The following RAD51B variants were observed in gnomAD, a reference collection of about 807,000 sequenced individuals.
RAD51B encodes RAD51 paralog B, also known as DNA repair protein RAD51 homolog 2.
Under a neutral mutation model 42.2 loss-of-function variants are expected in RAD51B, and 38 were observed. The observed-to-expected ratio is 0.90, with a 90% confidence interval of 0.70 to 1.18. RAD51B has a LOEUF of 1.18. RAD51B is among the 50% of genes most tolerant of loss of function. The pLI is 0.00. For synonymous variants in RAD51B, 154 were observed against 145.2 expected (o/e 1.06, Z -0.43); for missense variants, 373 against 400.7 (o/e 0.93, Z 0.59).
chr14:68,612,343 G>T (rs1482372742), downstream of RAD51B, among the ~76,000 whole-genome samples: 1 of 152,208 alleles, frequency 6.6e-6, no homozygotes, highest in East Asian at 1.9e-4. Flanking sequence ...AGAATTTCCA[G>T]CTGTCGACAG....
chr14:67,876,801 G>T (rs2042743094), intron 5 of RAD51B, among the ~76,000 whole-genome samples: 1 of 152,106 alleles, frequency 6.6e-6, no homozygotes, highest in African/African-American at 2.4e-5. Context: ...ATATGGAAGG[G>T]GAAGTTGGGA....
intron 10 of RAD51B, among the ~76,000 whole-genome samples, chr14:68,606,503 T>C (rs1246936824): frequency 6.6e-6 from 1 of 152,220 alleles, no homozygotes; most frequent in Non-Finnish European, 1.5e-5. Context: ...AAAGATTTCA[T>C]TATGTTGACT....
chr14:67,970,688 A>G (rs2074879774), intron 7 of RAD51B, among the ~76,000 whole-genome samples: 1 of 151,966 alleles, frequency 6.6e-6, no homozygotes, highest in Non-Finnish European at 1.5e-5. Flanking sequence ...CCTTCTTGTG[A>G]TTGGTTGCTG....
In RAD51B at chr14:68,272,637, A is replaced by ATATATATATATT. The variant is rs1439072771; in HGVS notation, c.757-19236_757-19235insTTATATATATAT. Reference sequence around the variant, plus strand: ...ATGGTATTTTGTTTATAAACACTTTATATATATATATATATATATATATAT... The same window carrying ATATATATATATT: ...ATGGTATTTTGTTTATAAACACTTTATATATATATATTTATATATATATATATATATATATAT... On this transcript the variant is annotated intron_variant, in intron 7 of 10. Coordinates refer to ENST00000471583, the MANE Select transcript of RAD51B (RefSeq NM_133510.4). Among the ~76,000 whole-genome samples, 15 of 8,388 alleles carry ATATATATATATT rather than the reference A, an allele frequency of 1.8e-3. 1 individual carries two copies. The highest frequency in any genetic ancestry group is 4.1e-3 in the African/African-American group (9 of 2,216). The allele number at this position is 8,388 out of a possible 152,430, so 5.5% of individuals were successfully genotyped here.
At chr14:68,135,533 C>T (rs1171850581) in intron 7 of RAD51B, among the ~76,000 whole-genome samples, 1 of 152,086 alleles carries the variant, frequency 6.6e-6, no homozygotes, top group Non-Finnish European at 1.5e-5. Flanking sequence ...ATAGGTTCTG[C>T]CCTCATGGAG....
At chr14:68,354,948 C>T (rs1446355511) in intron 8 of RAD51B, among the ~76,000 whole-genome samples, 3 of 152,106 alleles carry the variant, frequency 2.0e-5, no homozygotes, top group African/African-American at 7.2e-5. Flanking sequence ...ATTTCCCTTT[C>T]TGTGAAATGA....
intron 9 of RAD51B, among the ~76,000 whole-genome samples, chr14:68,463,147 C>T (rs140697155): frequency 1.2e-4 from 19 of 152,268 alleles, no homozygotes; most frequent in South Asian, 2.1e-4. Flanking sequence ...TGAACCAGCA[C>T]AGCCTAAATT....
chr14:68,235,404 CT>C (rs1385281454), intron 7 of RAD51B, among the ~76,000 whole-genome samples: 5 of 151,938 alleles, frequency 3.3e-5, no homozygotes, highest in African/African-American at 4.8e-5. Flanking sequence ...TTTTTTTCCT[CT>C]TAAGAGCTGA....
At chr14:68,326,927 C>G (rs1205024046) in intron 8 of RAD51B, among the ~76,000 whole-genome samples, 2 of 151,934 alleles carry the variant, frequency 1.3e-5, no homozygotes, top group African/African-American at 4.9e-5. Context: ...CTGAGACCTT[C>G]CATCAAGAGG....
At chr14:68,176,247 C>T (rs980266342) in intron 7 of RAD51B, among the ~76,000 whole-genome samples, 1 of 152,102 alleles carries the variant, frequency 6.6e-6, no homozygotes, top group African/African-American at 2.4e-5. Flanking sequence ...TTTTCTGGGG[C>T]TTTGTATGGA....
chr14:68,205,454 G>C (rs1261296118), intron 7 of RAD51B, among the ~76,000 whole-genome samples: 1 of 152,134 alleles, frequency 6.6e-6, no homozygotes, highest in African/African-American at 2.4e-5. Context: ...GGCTCTGAGA[G>C]GTGAGAGAGA....
At chr14:68,556,955 C>A (rs1458690563) in intron 10 of RAD51B, among the ~76,000 whole-genome samples, 1 of 152,150 alleles carries the variant, frequency 6.6e-6, no homozygotes, top group East Asian at 1.9e-4. Context: ...CCTCAGGAGT[C>A]CCCGGCATTG....
chr14:68,256,051 A>T (rs893521812), intron 7 of RAD51B, among the ~76,000 whole-genome samples: 1 of 152,226 alleles, frequency 6.6e-6, no homozygotes, highest in African/African-American at 2.4e-5. Context: ...AAAAAAGTTC[A>T]TCTGGATCCA....
In RAD51B at chr14:68,565,704, C is replaced by T. The variant is rs968520095; in HGVS notation, c.1037-28781C>T. Among the ~76,000 whole-genome samples the T allele has an allele frequency of 6.6e-6, 1 of 152,204 alleles. No individual in the cohort carries two copies. The highest frequency in any genetic ancestry group is 2.4e-5 in the African/African-American group (1 of 41,456). On this transcript the variant is annotated intron_variant, in intron 10 of 10. Coordinates refer to the RAD51B transcript ENST00000487270. This position sits in a 1 kb window ranked among gnomAD's most constrained non-coding sequence, Gnocchi z 4.1. ...TGGTTGATTATTAATATATTGATTA[C>T]ATTTTGAACAGACTGACACTTGCTT...
At chr14:68,253,417 T>A (rs567015456) in intron 7 of RAD51B, among the ~76,000 whole-genome samples, 1 of 152,356 alleles carries the variant, frequency 6.6e-6, no homozygotes, top group East Asian at 1.9e-4. Context: ...GCGTTTCTAT[T>A]GGAATGTTAA....
intron 10 of RAD51B, among the ~76,000 whole-genome samples, chr14:68,648,042 C>CAT: frequency 1.4e-5 from 1 of 71,488 alleles, no homozygotes; most frequent in East Asian, 1.1e-3. Context: ...TATATACACA[C>CAT]GTATATAGAT....
chr14:67,896,993 G>A (rs1007249979), intron 7 of RAD51B, among the ~76,000 whole-genome samples: 28 of 152,130 alleles, frequency 1.8e-4, no homozygotes, highest in Non-Finnish European at 4.1e-4. Flanking sequence ...ACACAAGGGG[G>A]AAAGGACAGC....
At chr14:68,348,347 T>C (rs2082714063) in intron 8 of RAD51B, among the ~76,000 whole-genome samples, 1 of 152,224 alleles carries the variant, frequency 6.6e-6, no homozygotes, top group South Asian at 2.1e-4. Flanking sequence ...CTAAATCAGA[T>C]ATTGCAAGCT....
At chr14:68,475,071 G>T (rs1882445534) in intron 10 of RAD51B, among the ~76,000 whole-genome samples, 1 of 152,220 alleles carries the variant, frequency 6.6e-6, no homozygotes, top group Non-Finnish European at 1.5e-5. Context: ...GGATGTGCAT[G>T]AGATAGAGAA....
Sources: allele counts gnomAD v4.1 joint callset (sites outside exome capture counted in the v4.1 genomes callset), GRCh38; gene constraint gnomAD v4.1.1; non-coding constraint Gnocchi (gnomAD v3.1); transcripts MANE v1.5; gene names NCBI Gene and HGNC (gene_info 2026-07-23, HGNC 2026-07-21).